Variants in SLC19A1 observed in about 807,000 individuals in gnomAD.
The protein encoded by SLC19A1 is reduced folate transporter.
Under a neutral mutation model 35.3 loss-of-function variants are expected in SLC19A1, and 37 were observed. The ratio of observed to expected loss-of-function variants is 1.05; its 90% CI spans 0.81 to 1.38. The LOEUF (loss-of-function observed/expected upper bound fraction) is 1.38. SLC19A1 is among the 40% of genes most tolerant of loss of function. The pLI, the probability that SLC19A1 is intolerant of heterozygous loss-of-function variation, is 0.00. For synonymous variants in SLC19A1, 460 were observed against 398.5 expected (o/e 1.15, Z -1.84); for missense variants, 831 against 826.9 (o/e 1.00, Z -0.06).
rs769482024 is a variant in SLC19A1 at position 45,531,815 on chromosome 21, C to T, written c.523G>A (p.Val175Ile). 6.3e-7 allele frequency: 1 copy of T among 1,591,528 alleles called. No individual in the cohort carries two copies. The highest frequency in any genetic ancestry group is 8.6e-7 in the Non-Finnish European group (1 of 1,169,576). ...FTSSVLGQLLVTVGRVSFSTL... is the reference protein window; with the variant it reads ...FTSSVLGQLLITVGRVSFSTL... Reference sequence around the variant, plus strand: ...GAGAAGGAGACTCGGCCCACAGTGACCAGCAGCTGGCCCAGCACGGAGCTG... The same window carrying T: ...GAGAAGGAGACTCGGCCCACAGTGATCAGCAGCTGGCCCAGCACGGAGCTG... The change falls in exon 3 of 6, where the codon GTC becomes ATC. Residue 175 changes from valine (V) to isoleucine (I), a missense_variant. Physicochemically the swap from Val to Ile is conservative, Grantham distance 29. Coordinates refer to ENST00000311124, the MANE Select transcript of SLC19A1 (RefSeq NM_194255.4).
Position 45,530,005 on chromosome 21 carries a change from G to C in SLC19A1, c.1151+765C>G, listed in dbSNP as rs2077808256. 6.7e-6 allele frequency among the ~76,000 whole-genome samples: 1 copy of C among 149,970 alleles called. No homozygotes were observed. The highest frequency in any genetic ancestry group is 2.5e-5 in the African/African-American group (1 of 40,536). On this transcript the variant is annotated intron_variant, in intron 4 of 5. Coordinates refer to ENST00000311124, the MANE Select transcript of SLC19A1 (RefSeq NM_194255.4). The surrounding 1 kb of genome is among the most constrained non-coding windows in gnomAD (Gnocchi z 5.3). ...AGTGTGGTGGGTGTCCGTGTGTGTG[G>C]TGTGTGTCCATGTGTAAGTATGTGA...
downstream of SLC19A1, chr21:45,512,442 AG>A (rs1798811424): frequency 1.9e-6 from 3 of 1,582,820 alleles, no homozygotes; most frequent in Non-Finnish European, 2.6e-6. Context: ...GGCGGCTCGG[AG>A]GAAGCCCCCA....
intron 1 of SLC19A1, among the ~76,000 whole-genome samples, chr21:45,552,520 AC>A (rs1347500976): frequency 1.3e-5 from 2 of 151,974 alleles, no homozygotes; most frequent in Non-Finnish European, 2.9e-5. Flanking sequence ...ATGTGCAGAG[AC>A]CCCGGGTCCT....
chr21:45,516,464 A>AT (rs909294067), intron 5 of SLC19A1, among the ~76,000 whole-genome samples: 3 of 152,214 alleles, frequency 2.0e-5, no homozygotes, highest in African/African-American at 7.2e-5. Context: ...CTGCCCCCCC[A>AT]TGGTGCTGAG....
downstream of SLC19A1, chr21:45,511,287 G>A (rs955308617): frequency 5.2e-5 from 47 of 905,460 alleles, no homozygotes; most frequent in East Asian, 5.5e-4. Context: ...GCGGGCGGGC[G>A]GGCTCCTATC....
At chr21:45,504,246 G>A (rs770081772) in intron 3 of SLC19A1, 56 of 879,598 alleles carry the variant, frequency 6.4e-5, no homozygotes, top group East Asian at 1.6e-4. Context: ...TGGGGGACTC[G>A]GCTGATGCAG....
intron 1 of SLC19A1, among the ~76,000 whole-genome samples, chr21:45,555,307 G>GCA (rs1169552226): frequency 1.5e-3 from 1 of 672 alleles, no homozygotes; most frequent in African/African-American, 0.022. Flanking sequence ...AGGGGGCGGC[G>GCA]GGGGCGGCGG....
chr21:45,515,160 AG>A lies in SLC19A1; in HGVS notation c.*497del, dbSNP rs1250359930. 11 of 1,479,066 alleles carry A rather than the reference AG, an allele frequency of 7.4e-6. No homozygotes were observed. Among genetic ancestry groups the A allele is most frequent in the Admixed American group, 5.2e-5 (2 of 38,448 alleles). The allele number at this position is 1,479,066 out of a possible 1,614,324, so 91.6% of individuals were successfully genotyped here. A position where few individuals can be genotyped will look rare whatever the true frequency, so the allele number is the denominator to read the frequency against. The stretch of plus-strand genomic sequence containing the variant: ...CACATGCAGTTCTTCATTCTACGTC[AG>A]TTAAAAAAAAAAAAAGCATCTTTCA... On this transcript the variant is annotated 3_prime_UTR_variant, in exon 6 of 6. Coordinates refer to ENST00000311124, the MANE Select transcript of SLC19A1 (RefSeq NM_194255.4).
chr21:45,507,542 C>A, intron 3 of SLC19A1: 1 of 1,610,898 alleles, frequency 6.2e-7, no homozygotes, highest in Non-Finnish European at 8.5e-7. Flanking sequence ...TCCTGGGTGA[C>A]CCTGCTGCTT....
chr21:45,531,347 A>C, intron 3 of SLC19A1, 42 bp downstream of exon 3: 13 of 1,537,948 alleles, frequency 8.5e-6, no homozygotes, highest in Non-Finnish European at 1.1e-5. Context: ...GTGGACGGGA[A>C]GCCTCTGCGG....
chr21:45,560,366 G>A (rs2078603618), intron 1 of SLC19A1, among the ~76,000 whole-genome samples: 1 of 152,206 alleles, frequency 6.6e-6, no homozygotes, highest in African/African-American at 2.4e-5. Flanking sequence ...CCCCACAGGA[G>A]CTAATCCACC....
At chr21:45,556,876 C>T (rs2078567623) in intron 1 of SLC19A1, among the ~76,000 whole-genome samples, 1 of 151,004 alleles carries the variant, frequency 6.6e-6, no homozygotes, top group Admixed American at 6.6e-5. Flanking sequence ...AACCGGCCTG[C>T]ACGTGTCTCC....
At chr21:45,562,674 G>C (rs2078626323) in intron 1 of SLC19A1, among the ~76,000 whole-genome samples, 1 of 152,196 alleles carries the variant, frequency 6.6e-6, no homozygotes, top group Non-Finnish European at 1.5e-5. Context: ...ACACAGCTGG[G>C]AGCCTGCTAG....
downstream of SLC19A1, chr21:45,511,088 CAT>C (rs771690476): frequency 3.4e-4 from 358 of 1,045,796 alleles, 5 homozygotes; most frequent in African/African-American, 6.9e-3. Flanking sequence ...ACCACACACA[CAT>C]ACACACGGTT....
In SLC19A1 at chr21:45,512,631, A is replaced by T. The variant is rs1192951666; in HGVS notation, c.*3027T>A. 1.0e-5 allele frequency: 6 copies of T among 584,632 alleles called. No individual in the cohort carries two copies. Among genetic ancestry groups the T allele is most frequent in the Admixed American group, 3.0e-5 (1 of 33,696 alleles). 36.2% of individuals were successfully genotyped at this position (584,632 alleles called of 1,614,324 possible). ...ATTCACCTGCCCCAACTCTCCCCTG[A>T]CCTGTGAGCCCAGCTGGGTCAGGCA... On this transcript the variant is annotated 3_prime_UTR_variant, in exon 6 of 6. Transcript: ENST00000311124.
chr21:45,552,575 C>T (rs902423289), intron 1 of SLC19A1, among the ~76,000 whole-genome samples: 10 of 152,196 alleles, frequency 6.6e-5, no homozygotes, highest in African/African-American at 1.2e-4. Context: ...GGGATTAGCG[C>T]GTGCTATAAT....
At chr21:45,504,109 G>C in intron 3 of SLC19A1, 3 of 1,583,878 alleles carry the variant, frequency 1.9e-6, no homozygotes, top group Non-Finnish European at 2.6e-6. Context: ...CATCCCGCTG[G>C]GTGGCTGCTC....
At position 45,503,957 on chromosome 21, in the gene SLC19A1, C is replaced by A. The variant is rs1187003728; in HGVS notation, c.498-5345G>T. On this transcript the variant is annotated intron_variant, in intron 3 of 4. Transcript: ENST00000417954. ...CCAGTGCTGGGGGCTGCAGAGGGAACCCGGCGCTGTCAGACACCACCTCAG... is the reference window on the plus strand; with the variant it reads ...CCAGTGCTGGGGGCTGCAGAGGGAAACCGGCGCTGTCAGACACCACCTCAG... The A allele has an allele frequency of 1.7e-5, 27 of 1,607,904 alleles. No individual in the cohort carries two copies. The Admixed American group carries it at 2.2e-4, about 13-fold the overall frequency.
chr21:45,512,625 C>T lies in SLC19A1; in HGVS notation c.*3033G>A. The T allele has an allele frequency of 1.7e-6, 1 of 591,538 alleles. No individual in the cohort carries two copies. Among genetic ancestry groups the T allele is most frequent in the South Asian group, 2.0e-5 (1 of 50,582 alleles). 36.6% of individuals were successfully genotyped at this position (591,538 alleles called of 1,614,324 possible). A position where few individuals can be genotyped will look rare whatever the true frequency, so the allele number is the denominator to read the frequency against. On this transcript the variant is annotated 3_prime_UTR_variant, in exon 6 of 6. Transcript: ENST00000311124. ...GCTGACATTCACCTGCCCCAACTCT[C>T]CCCTGACCTGTGAGCCCAGCTGGGT...
Sources: gnomAD v4.1 joint callset for allele counts (sites outside exome capture counted in the v4.1 genomes callset) on GRCh38, gnomAD v4.1.1 for gene constraint, Gnocchi (gnomAD v3.1) non-coding constraint, MANE v1.5 for transcripts, NCBI Gene and HGNC (gene_info 2026-07-23, HGNC 2026-07-21) for gene names.